The following PCOLCE2 variants were observed in gnomAD, a reference collection of about 807,000 sequenced individuals.
PCOLCE2 encodes the protein procollagen C-endopeptidase enhancer 2.
A neutral mutation model predicts 47.0 loss-of-function variants in PCOLCE2; 42 were observed. The observed-to-expected ratio is 0.89, with a 90% confidence interval of 0.70 to 1.16. The LOEUF is 1.16. PCOLCE2 is among the 50% of genes most tolerant of loss of function. The probability of loss-of-function intolerance (pLI) is 0.00; values close to 1 mark genes in which losing one functional copy is unlikely to be tolerated. For missense variants in PCOLCE2, 500 were observed against 526.1 expected, an observed-to-expected ratio of 0.95 and a Z score of 0.49; for synonymous variants, 169 against 191.7, an observed-to-expected ratio of 0.88 and a Z score of 0.98.
chr3:142,849,314 C>G (rs145761640), intron 2 of PCOLCE2, among the ~76,000 whole-genome samples: 1 of 152,214 alleles, frequency 6.6e-6, no homozygotes, highest in East Asian at 1.9e-4. Context: ...GATGAACTAC[C>G]GATACTGACT....
rs1020780000 is a variant in PCOLCE2, at chr3:142,821,139, G to A, written c.950-94C>T. The A allele has an allele frequency of 1.0e-5, 10 of 973,428 alleles. No individual in the cohort carries two copies. The Admixed American group carries it at 1.8e-4, about 18-fold the overall frequency. 60.3% of individuals were successfully genotyped at this position (973,428 alleles called of 1,614,324 possible). A position where few individuals can be genotyped will look rare whatever the true frequency, so the allele number is the denominator to read the frequency against. On this transcript the variant is annotated intron_variant, in intron 7 of 8. Transcript: ENST00000295992. ...TTACATTCTTCTAAGTTTCAGATAC[G>A]AAACATTTTAATGTTAAAGAAAAGG...
Position 142,842,946 on chromosome 3 carries a change from T to A in PCOLCE2, c.551A>T (p.His184Leu). ...CACCTGATTCTTTGGGGCTACAATGTGCCACACACAAGTGACTCCTGCAGG... is the reference window on the plus strand; with the variant it reads ...CACCTGATTCTTTGGGGCTACAATGAGCCACACACAAGTGACTCCTGCAGG... The part of the protein sequence containing the change: ...DYPAGVTCVW[H>L]IVAPKNQLIE... Residue 184 changes from histidine (H) to leucine (L), a missense_variant, in exon 4 of 9, where the codon CAC becomes CTC. By Grantham distance (99) the His-to-Leu change is moderately conservative (BLOSUM62 -3). Coordinates refer to ENST00000295992, the MANE Select transcript of PCOLCE2 (RefSeq NM_013363.4). The surrounding 1 kb of genome is among the most constrained non-coding windows in gnomAD (Gnocchi z 4.1). 1 of 1,614,060 alleles carries A rather than the reference T, an allele frequency of 6.2e-7. No homozygotes were observed. Among genetic ancestry groups the A allele is most frequent in the Non-Finnish European group, 8.5e-7 (1 of 1,179,924 alleles).
At chr3:142,857,525 A>C (rs1377372168) in intron 2 of PCOLCE2, among the ~76,000 whole-genome samples, 2 of 152,230 alleles carry the variant, frequency 1.3e-5, no homozygotes, top group Non-Finnish European at 2.9e-5. Flanking sequence ...AACTATTAAG[A>C]GTAATATTTC....
At chr3:142,827,191 T>G in intron 6 of PCOLCE2, 1 of 1,312,306 alleles carries the variant, frequency 7.6e-7, no homozygotes, top group Non-Finnish European at 1.1e-6. Context: ...GGGTCATCTC[T>G]GAGATGGCGG....
intron 2 of PCOLCE2, among the ~76,000 whole-genome samples, chr3:142,870,639 G>C (rs983153820): frequency 2.0e-5 from 3 of 151,462 alleles, no homozygotes; most frequent in African/African-American, 7.3e-5. Flanking sequence ...TTATTCCTGT[G>C]ATACACCAGA....
intron 2 of PCOLCE2, among the ~76,000 whole-genome samples, chr3:142,863,459 A>T (rs1218996011): frequency 6.6e-6 from 1 of 152,246 alleles, no homozygotes; most frequent in African/African-American, 2.4e-5. Context: ...ACATTTCAAA[A>T]GGTCCAGTTC....
chr3:142,839,726 A>G (rs1307395972), intron 4 of PCOLCE2, among the ~76,000 whole-genome samples: 3 of 152,264 alleles, frequency 2.0e-5, no homozygotes, highest in African/African-American at 4.8e-5. Context: ...ATGTATACAT[A>G]TATCAAAATA....
At chr3:142,855,862 T>C (rs1323894811) in intron 2 of PCOLCE2, among the ~76,000 whole-genome samples, 2 of 152,194 alleles carry the variant, frequency 1.3e-5, no homozygotes, top group African/African-American at 4.8e-5. Context: ...CCCACTGCAC[T>C]GGACGGTGAA....
At chr3:142,821,423 A>T (rs111559384) in intron 7 of PCOLCE2, among the ~76,000 whole-genome samples, 35 of 152,298 alleles carry the variant, frequency 2.3e-4, no homozygotes, top group African/African-American at 8.4e-4. Flanking sequence ...TAGAGGCAGT[A>T]CCACGCTAAA....
At chr3:142,837,672 T>C (rs929580199) in intron 5 of PCOLCE2, among the ~76,000 whole-genome samples, 1 of 152,224 alleles carries the variant, frequency 6.6e-6, no homozygotes, top group African/African-American at 2.4e-5. Context: ...AGTTATGAAA[T>C]ATCTTGCACC....
rs1933763431 is a variant in PCOLCE2 at position 142,888,640 on chromosome 3, A to G, written c.83+174T>C. 3 of 444,264 alleles carry G rather than the reference A, an allele frequency of 6.8e-6. No individual in the cohort carries two copies. In the South Asian group the frequency reaches 1.8e-4, roughly 26 times the overall value. The allele number at this position is 444,264 out of a possible 1,614,324, so 27.5% of individuals were successfully genotyped here. A position where few individuals can be genotyped will look rare whatever the true frequency, so the allele number is the denominator to read the frequency against. ...CCCCGCGAGCAAGGATGGGTCCCGA[A>G]GTCCCGGGCTTAGCCTACCCGAGGG... is the stretch of plus-strand genomic sequence containing the variant. On this transcript the variant is annotated intron_variant, in intron 1 of 8. Coordinates refer to ENST00000295992, the MANE Select transcript of PCOLCE2 (RefSeq NM_013363.4).
intron 2 of PCOLCE2, among the ~76,000 whole-genome samples, chr3:142,887,049 A>T (rs1018774885): frequency 6.6e-6 from 1 of 152,182 alleles, no homozygotes; most frequent in Non-Finnish European, 1.5e-5. Context: ...ATCAGTTAAA[A>T]AATATATGGC....
chr3:142,856,319 T>TGTTATCACCTCTGA (rs1245245108), intron 2 of PCOLCE2, among the ~76,000 whole-genome samples: 5 of 152,190 alleles, frequency 3.3e-5, no homozygotes, highest in Non-Finnish European at 4.4e-5. Flanking sequence ...CTCGAGCCCC[T>TGTTATCACCTCTGA]GTTATCACCT....
At chr3:142,855,444 G>A (rs1177655884) in intron 2 of PCOLCE2, among the ~76,000 whole-genome samples, 1 of 152,178 alleles carries the variant, frequency 6.6e-6, no homozygotes, top group East Asian at 1.9e-4. Flanking sequence ...CTTACGGGGA[G>A]GAAGAAATGG....
chr3:142,821,476 T>G (rs1195575797), intron 7 of PCOLCE2, among the ~76,000 whole-genome samples: 1 of 152,096 alleles, frequency 6.6e-6, no homozygotes, highest in Non-Finnish European at 1.5e-5. Context: ...TGTGAGTCTT[T>G]GTGTCGGTGT....
chr3:142,873,047 C>T (rs1251337954), intron 2 of PCOLCE2, among the ~76,000 whole-genome samples: 3 of 152,126 alleles, frequency 2.0e-5, no homozygotes, highest in Admixed American at 6.5e-5. Context: ...AATCTCATCT[C>T]TATCATTCAA....
At chr3:142,847,924 A>G (rs937846518) in intron 3 of PCOLCE2, among the ~76,000 whole-genome samples, 2 of 152,202 alleles carry the variant, frequency 1.3e-5, no homozygotes, top group Non-Finnish European at 2.9e-5. Flanking sequence ...GGCCATGGCT[A>G]TTTCTGGAGA....
rs562208363 is a variant in PCOLCE2, at chr3:142,834,511, A to T, written c.710+4259T>A. ...AGGATTTTTATTGCTTTTAAAATAA[A>T]TTTTTTTCAAAATGTAAACTTTTAA... On this transcript the variant is annotated intron_variant, in intron 5 of 8. Transcript: ENST00000295992. Among the ~76,000 whole-genome samples the T allele has an allele frequency of 5.3e-5, 8 of 152,252 alleles. No homozygotes were observed. In the East Asian group the frequency reaches 9.6e-4, roughly 18 times the overall value.
chr3:142,835,557 T>C (rs1223023328), intron 5 of PCOLCE2, among the ~76,000 whole-genome samples: 1 of 152,186 alleles, frequency 6.6e-6, no homozygotes, highest in East Asian at 1.9e-4. Context: ...ATTTGGTCCA[T>C]TTGTATTTAT....
Sources: gnomAD v4.1 joint callset for allele counts (sites outside exome capture counted in the v4.1 genomes callset) on GRCh38, gnomAD v4.1.1 for gene constraint, Gnocchi (gnomAD v3.1) non-coding constraint, MANE v1.5 for transcripts, NCBI Gene and HGNC (gene_info 2026-07-23, HGNC 2026-07-21) for gene names.